HTR2C: variants seen among roughly 807,000 people sequenced by gnomAD.
HTR2C encodes the protein 5-hydroxytryptamine receptor 2C.
A neutral mutation model predicts 21.0 loss-of-function variants in HTR2C; 5 were observed. That is an observed-to-expected ratio of 0.24 (90% CI 0.12 to 0.50). HTR2C has a LOEUF of 0.50. HTR2C is among the 20% of genes least tolerant of loss of function. The probability of loss-of-function intolerance (pLI) is 0.98; values close to 1 mark genes in which losing one functional copy is unlikely to be tolerated. For missense variants in HTR2C, 271 were observed against 371.2 expected (o/e 0.73, Z 2.22); for synonymous variants, 150 against 145.3 (o/e 1.03, Z -0.23).
intron 4 of HTR2C, among the ~76,000 whole-genome samples, chrX:114,837,981 C>T (rs782186449): frequency 1.3e-4 from 15 of 111,379 alleles, no homozygotes; most frequent in African/African-American, 4.5e-4. Context: ...GGAATGGCTT[C>T]TGTATTTAAT....
intron 4 of HTR2C, among the ~76,000 whole-genome samples, chrX:114,754,895 A>G (rs1426747456): frequency 1.8e-5 from 2 of 112,286 alleles, no homozygotes; most frequent in South Asian, 3.6e-4. Context: ...AGAAGAATGT[A>G]TTAGTTTCCT....
At chrX:114,775,252 C>A in intron 4 of HTR2C, 1 of 521,885 alleles carries the variant, frequency 1.9e-6, no homozygotes, top group South Asian at 2.3e-5. Flanking sequence ...CGGTGCTTGT[C>A]ATTAGTGGTA....
intron 2 of HTR2C, among the ~76,000 whole-genome samples, chrX:114,704,247 A>G (rs1425827821): frequency 2.7e-5 from 3 of 111,512 alleles, no homozygotes; most frequent in Non-Finnish European, 5.6e-5. Flanking sequence ...CTGGGCAGAG[A>G]CACAACCAAA....
rs184994149 is a variant in HTR2C at position 114,688,335 on chromosome X, A to G, written c.-79-38523A>G. ...GACTCCATCTCAAAAAAAAAAAAAA[A>G]GAAAAGAAAAGAAAAGAAATTCACA... is the stretch of plus-strand genomic sequence containing the variant. On this transcript the variant is annotated intron_variant, in intron 2 of 5. Coordinates refer to ENST00000276198, the MANE Select transcript of HTR2C (RefSeq NM_000868.4). 3.9e-3 allele frequency among the ~76,000 whole-genome samples: 392 copies of G among 99,699 alleles called. 2 individuals are homozygous for G. The highest frequency in any genetic ancestry group is 0.013 in the African/African-American group (361 of 27,722). The allele number at this position is 99,699 out of a possible 115,157, so 86.6% of individuals were successfully genotyped here.
chrX:114,773,127 C>T (rs1338852739), intron 4 of HTR2C, among the ~76,000 whole-genome samples: 2 of 111,995 alleles, frequency 1.8e-5, no homozygotes, highest in African/African-American at 6.5e-5. Flanking sequence ...AGTAACTGAG[C>T]TTAACATTTT....
At chrX:114,584,718 T>G (rs1355685783) in intron 1 of HTR2C, 59 bp downstream of exon 1, 2 of 103,778 alleles carry the variant, frequency 1.9e-5, no homozygotes, top group African/African-American at 7.1e-5. Context: ...AGGCGGGGGA[T>G]GGGGTGGGGA....
At chrX:114,882,858 T>A (rs2147520561) in intron 5 of HTR2C, among the ~76,000 whole-genome samples, 1 of 111,012 alleles carries the variant, frequency 9.0e-6, no homozygotes. Flanking sequence ...AGTTAAGAAC[T>A]GTTTCTTTCT....
intron 2 of HTR2C, among the ~76,000 whole-genome samples, chrX:114,691,659 G>A (rs1932111438): frequency 9.0e-6 from 1 of 111,291 alleles, no homozygotes; most frequent in Non-Finnish European, 1.9e-5. Context: ...CCTGTCTTAG[G>A]GAATTTACTG....
chrX:114,823,651 C>A (rs1462236226), intron 4 of HTR2C: 4 of 294,286 alleles, frequency 1.4e-5, no homozygotes, highest in Non-Finnish European at 2.7e-5. Context: ...AGCTGCATCA[C>A]TAGAAAGGCA....
chrX:114,775,497 T>C (rs2070048170), intron 4 of HTR2C: 2 of 501,217 alleles, frequency 4.0e-6, no homozygotes, highest in Admixed American at 4.8e-5. Flanking sequence ...TCAGAAGGTC[T>C]CTGTCTGCTT....
intron 2 of HTR2C, among the ~76,000 whole-genome samples, chrX:114,632,447 C>T (rs1929668485): frequency 9.0e-6 from 1 of 111,373 alleles, no homozygotes; most frequent in Admixed American, 9.6e-5. Context: ...CATTTACAAT[C>T]TTACTATTTT....
intron 1 of HTR2C, among the ~76,000 whole-genome samples, chrX:114,606,966 G>A (rs1452420566): frequency 3.7e-5 from 4 of 108,596 alleles, no homozygotes; most frequent in African/African-American, 1.0e-4. Flanking sequence ...GTCAAAGGGG[G>A]TTTGTTCTCT....
intron 4 of HTR2C, among the ~76,000 whole-genome samples, chrX:114,846,534 C>T (rs187384974): frequency 8.9e-6 from 1 of 111,891 alleles, no homozygotes; most frequent in East Asian, 2.8e-4. Context: ...TAATGTATCA[C>T]ATTAATAGAA....
intron 2 of HTR2C, among the ~76,000 whole-genome samples, chrX:114,677,456 A>T (rs1931599266): frequency 9.0e-6 from 1 of 111,055 alleles, no homozygotes; most frequent in Non-Finnish European, 1.9e-5. Context: ...TAGAGGACAA[A>T]CCTCAGTTAA....
rs146975286 is a variant in HTR2C at position 114,682,596 on chromosome X, G to A, written c.-79-44262G>A. On this transcript the variant is annotated intron_variant, in intron 2 of 5. Transcript: ENST00000276198. ...TAAAAGTCTATTTCATGAGCTTTCT[G>A]CTGTTTAAGTTTTACAGTAGGGCTC... Among the ~76,000 whole-genome samples the A allele has an allele frequency of 1.2e-3, 137 of 111,212 alleles. 5 individuals carry two copies. In the East Asian group the frequency reaches 0.029, roughly 23 times the overall value.
At chrX:114,895,541 T>C (rs1556483875) in intron 5 of HTR2C, among the ~76,000 whole-genome samples, 1 of 112,022 alleles carries the variant, frequency 8.9e-6, no homozygotes. Context: ...ATCTGTTTTC[T>C]CTTTTGTTGA....
chrX:114,603,843 G>A (rs782042747), intron 1 of HTR2C, among the ~76,000 whole-genome samples: 1 of 99,464 alleles, frequency 1.0e-5, no homozygotes, highest in Admixed American at 1.1e-4. Flanking sequence ...AGAGTATATG[G>A]GTTTGGCACC....
chrX:114,684,653 A>G (rs142261787), intron 2 of HTR2C, among the ~76,000 whole-genome samples: 1,377 of 111,168 alleles, frequency 0.012, 16 homozygotes, highest in African/African-American at 0.043. Flanking sequence ...CTCTTTACAA[A>G]CACTCTAAGA....
rs185343534 is a variant in HTR2C, at chrX:114,868,788, A to G, written c.550+20585A>G. Reference sequence around the variant, plus strand: ...TGATACTTGCATTCCCACCAGCAATACATGAGGGCACCATTTTTCTTGGAT... The same window carrying G: ...TGATACTTGCATTCCCACCAGCAATGCATGAGGGCACCATTTTTCTTGGAT... On this transcript the variant is annotated intron_variant, in intron 5 of 5. Coordinates refer to ENST00000276198, the MANE Select transcript of HTR2C (RefSeq NM_000868.4). 5.4e-3 allele frequency among the ~76,000 whole-genome samples: 600 copies of G among 111,748 alleles called. 2 individuals are homozygous for G. Among genetic ancestry groups the G allele is most frequent in the Non-Finnish European group, 9.0e-3 (478 of 53,145 alleles).
Sources: allele counts gnomAD v4.1 joint callset (sites outside exome capture counted in the v4.1 genomes callset), GRCh38; gene constraint gnomAD v4.1.1; transcripts MANE v1.5; gene names NCBI Gene and HGNC (gene_info 2026-07-23, HGNC 2026-07-21).